SLC47A2: variants seen among roughly 807,000 people sequenced by gnomAD.
The protein encoded by SLC47A2 is multidrug and toxin extrusion protein 2.
In SLC47A2, 52 loss-of-function variants were observed where a neutral mutation model predicts 67.7. The observed-to-expected ratio is 0.77, with a 90% CI of 0.61 to 0.97. The LOEUF (loss-of-function observed/expected upper bound fraction) is 0.97, where lower values mean the gene tolerates loss of function less well. Among genes scored for constraint, SLC47A2 ranks in the 50% least tolerant of loss-of-function variants. SLC47A2 has a pLI of 0.00. For synonymous variants in SLC47A2, 278 were observed against 292.9 expected (o/e 0.95, Z 0.52); for missense variants, 676 against 712.3 (o/e 0.95, Z 0.58).
At chr17:19,702,697 T>C in intron 12 of SLC47A2, 23 bp from the exon 13 acceptor site, 6 of 1,612,888 alleles carry the variant, frequency 3.7e-6, no homozygotes, top group Non-Finnish European at 5.1e-6. Flanking sequence ...TGAGAAAGCA[T>C]TAAGACACAG....
rs368358606 is a variant in SLC47A2 at position 19,705,626 on chromosome 17, G to T, written c.842-123C>A. 3.9e-5 allele frequency: 33 copies of T among 843,430 alleles called. No homozygotes were observed. In the South Asian group the frequency reaches 5.6e-4, roughly 14 times the overall value. 52.2% of individuals were successfully genotyped at this position (843,430 alleles called of 1,614,324 possible). On this transcript the variant is annotated intron_variant, in intron 9 of 16. Coordinates refer to ENST00000433844, the MANE Select transcript of SLC47A2 (RefSeq NM_001099646.3). ...TTTTTTTTTTCTTCCTTGAGACAGGGTCTCACTCTGTCGCTTGAGCTGGAG... is the reference window on the plus strand; with the variant it reads ...TTTTTTTTTTCTTCCTTGAGACAGGTTCTCACTCTGTCGCTTGAGCTGGAG...
chr17:19,689,409 AAAGATGGCCAGGCACGCTGGC>A (rs1331660127), intron 13 of SLC47A2, among the ~76,000 whole-genome samples: 36 of 152,328 alleles, frequency 2.4e-4, no homozygotes, highest in Admixed American at 5.9e-4. Context: ...CAAAGAAATG[AAAGATGGCCAGGCACGCTGGC>A]TTATGCCTGT....
At chr17:19,696,621 A>G (rs563852749) in intron 13 of SLC47A2, among the ~76,000 whole-genome samples, 7 of 152,218 alleles carry the variant, frequency 4.6e-5, no homozygotes, top group Non-Finnish European at 8.8e-5. Flanking sequence ...GTGCCTTCAA[A>G]GGAAGTATAA....
In SLC47A2 at chr17:19,710,104, C is replaced by T. The variant is rs2086055266; in HGVS notation, c.487-1344G>A. Among the ~76,000 whole-genome samples the T allele has an allele frequency of 6.6e-5, 10 of 152,286 alleles. No individual in the cohort carries two copies. In the South Asian group the frequency reaches 1.9e-3, roughly 28 times the overall value. On this transcript the variant is annotated intron_variant, in intron 5 of 16. Coordinates refer to ENST00000433844, the MANE Select transcript of SLC47A2 (RefSeq NM_001099646.3). Reference sequence around the variant, plus strand: ...CCCTGCCCAGCTCCCTTGCCCCAAACATTCCCCCTGGTGCCATGGAGGCTA... The same window carrying T: ...CCCTGCCCAGCTCCCTTGCCCCAAATATTCCCCCTGGTGCCATGGAGGCTA...
chr17:19,693,049 T>C (rs8080672), intron 13 of SLC47A2, among the ~76,000 whole-genome samples: 30,550 of 151,912 alleles, frequency 0.2, 3,585 homozygotes, highest in East Asian at 0.39. Context: ...GGGAATTGCT[T>C]GAACCCGGGA....
chr17:19,712,611 G>A (rs2086130471), intron 5 of SLC47A2, 92 bp downstream of exon 5: 13 of 1,374,154 alleles, frequency 9.5e-6, no homozygotes, highest in Non-Finnish European at 1.3e-5. Context: ...GTCACAGCAG[G>A]ATAGGGATCT....
At chr17:19,690,182 C>T (rs762201881) in intron 13 of SLC47A2, among the ~76,000 whole-genome samples, 1 of 152,130 alleles carries the variant, frequency 6.6e-6, no homozygotes, top group Admixed American at 6.5e-5. Flanking sequence ...AGGACAGTCT[C>T]TTCAATAAAT....
chr17:19,708,535 C>A (rs370927222), intron 6 of SLC47A2, 136 bp from the exon 7 acceptor site: 1 of 1,609,806 alleles, frequency 6.2e-7, no homozygotes. Context: ...GAGGCTGGGA[C>A]GCACAGCCTC....
chr17:19,692,812 C>T (rs2085571932), intron 13 of SLC47A2, among the ~76,000 whole-genome samples: 1 of 152,138 alleles, frequency 6.6e-6, no homozygotes, highest in Non-Finnish European at 1.5e-5. Context: ...TAGTAATATA[C>T]AGAAAATATA....
At chr17:19,715,826 C>T (rs1312544687) in intron 1 of SLC47A2, 1 of 150,606 alleles carries the variant, frequency 6.6e-6, no homozygotes, top group Non-Finnish European at 1.5e-5. Context: ...CTGCCTCTCT[C>T]TCCCAAGTAG....
At chr17:19,716,600 C>T (rs146491112), upstream of SLC47A2, 141 of 1,532,594 alleles carry the variant, frequency 9.2e-5, 1 homozygote, top group East Asian at 3.3e-4. Context: ...AGCGCCTGCA[C>T]GGCCAGCTTT....
Position 19,714,775 on chromosome 17 carries a change from G to A in SLC47A2, c.240C>T (p.Cys80=), listed in dbSNP as rs757817400. The A allele has an allele frequency of 2.3e-5, 37 of 1,613,950 alleles. No homozygotes were observed. The African/African-American group carries it at 2.8e-4, about 12-fold the overall frequency. ...VTLAVAFVNV[C]GVSVGVGLSS... ...ACAAACCAACTCCTACAGAAACTCC[G>A]CAGACATTGACAAACTGGCGCCACA... Residue 80 remains cysteine, a synonymous_variant, in exon 3 of 17, where the codon TGC becomes TGT. Coordinates refer to ENST00000433844, the MANE Select transcript of SLC47A2 (RefSeq NM_001099646.3).
At chr17:19,708,899 G>T in intron 5 of SLC47A2, 139 bp from the exon 6 acceptor site, 1 of 1,125,484 alleles carries the variant, frequency 8.9e-7, no homozygotes, top group Non-Finnish European at 1.3e-6. Context: ...GGACCTCTCA[G>T]GTGCGGCCAA....
upstream of SLC47A2, chr17:19,717,205 C>G (rs956439132): frequency 1.3e-5 from 2 of 152,642 alleles, 1 homozygote; most frequent in South Asian, 4.1e-4. Flanking sequence ...CCCAAGCCCC[C>G]CACTGCCCGT....
intron 4 of SLC47A2, 73 bp from the exon 5 acceptor site, chr17:19,712,818 C>A: frequency 1.4e-6 from 2 of 1,464,366 alleles, no homozygotes; most frequent in Non-Finnish European, 1.9e-6. Flanking sequence ...CCCCTGTGTC[C>A]TCCAGGACTG....
Position 19,705,422 on chromosome 17 carries a change from T to G in SLC47A2, c.909+14A>C. The G allele has an allele frequency of 6.2e-7, 1 of 1,607,214 alleles. No homozygotes were observed. Among genetic ancestry groups the G allele is most frequent in the South Asian group, 1.1e-5 (1 of 89,764 alleles). ...GTGGGGGATGTGGGGAAGGCACCCC[T>G]GCAGGAGCCTTACCATGTAGGTCAC... On this transcript the variant is annotated intron_variant, in intron 10 of 16. Coordinates refer to ENST00000433844, the MANE Select transcript of SLC47A2 (RefSeq NM_001099646.3).
intron 10 of SLC47A2, chr17:19,705,209 A>G (rs1363155189): frequency 4.0e-6 from 2 of 494,804 alleles, no homozygotes; most frequent in Non-Finnish European, 7.0e-6. Flanking sequence ...AATTTTTAAA[A>G]TTCCAACATC....
intron 10 of SLC47A2, 47 bp downstream of exon 10, chr17:19,705,389 G>T: frequency 6.4e-7 from 1 of 1,564,280 alleles, no homozygotes; most frequent in Admixed American, 1.8e-5. Flanking sequence ...GACACCTCCA[G>T]CCATCAGGTG....
At chr17:19,718,132 A>G (rs2086301979), upstream of SLC47A2, 1 of 152,336 alleles carries the variant, frequency 6.6e-6, no homozygotes, top group Non-Finnish European at 1.5e-5. Flanking sequence ...GGGCAGCCGC[A>G]AATCCTCCTG....
Sources: gnomAD v4.1 joint callset for allele counts (sites outside exome capture counted in the v4.1 genomes callset) on GRCh38, gnomAD v4.1.1 for gene constraint, MANE v1.5 for transcripts, NCBI Gene and HGNC (gene_info 2026-07-23, HGNC 2026-07-21) for gene names.